ADGRL3: variants seen among roughly 807,000 people sequenced by gnomAD.
ADGRL3 encodes the protein adhesion G protein-coupled receptor L3, also known as calcium-independent alpha-latrotoxin receptor 3.
In ADGRL3, 62 loss-of-function variants were observed where a neutral mutation model predicts 153.5. The ratio of observed to expected loss-of-function variants is 0.40; its 90% CI spans 0.33 to 0.50. ADGRL3 has a LOEUF of 0.50. Among genes scored for constraint, ADGRL3 ranks in the 20% least tolerant of loss-of-function variants. The pLI is 0.47. For missense variants in ADGRL3, 1,641 were observed against 1,859.4 expected, an observed-to-expected ratio of 0.88 and a Z score of 2.16; for synonymous variants, 710 against 672.5, an observed-to-expected ratio of 1.06 and a Z score of -0.86.
chr4:61,517,518 G>A lies in ADGRL3; in HGVS notation c.259G>A (p.Ala87Thr). Reference protein sequence around the residue: ...GAQGAQIAAQAFSRAPIPMAV... With the variant: ...GAQGAQIAAQTFSRAPIPMAV... Reference sequence around the variant, plus strand: ...CCAAGGAGCACAGATTGCAGCGCAAGGTGCGGCCAGCGGTGGGGAGAGAGG... The same window carrying A: ...CCAAGGAGCACAGATTGCAGCGCAAAGTGCGGCCAGCGGTGGGGAGAGAGG... The change falls in exon 4 of 27, where the codon GCT becomes ACT. Residue 87 changes from alanine to threonine, a missense_variant and splice_region_variant. Ala to Thr is a moderately conservative substitution (Grantham distance 58, BLOSUM62 0). This residue lies in a region of ADGRL3 where 145 missense variants were observed against 79.1 expected (regional missense o/e 1.83). Coordinates refer to ENST00000683033, the MANE Select transcript of ADGRL3 (RefSeq NM_001387552.1). The A allele has an allele frequency of 1.4e-6, 1 of 706,034 alleles. No homozygotes were observed. Among genetic ancestry groups the A allele is most frequent in the African/African-American group, 1.7e-5 (1 of 57,360 alleles). The allele number at this position is 706,034 out of a possible 1,614,324, so 43.7% of individuals were successfully genotyped here.
chr4:61,719,993 G>A (rs1455592817), intron 6 of ADGRL3, among the ~76,000 whole-genome samples: 3 of 151,906 alleles, frequency 2.0e-5, no homozygotes, highest in South Asian at 2.1e-4. Flanking sequence ...ATGTGATACT[G>A]CCTTAAATGA....
At chr4:61,333,509 T>C (rs778315150) in intron 1 of ADGRL3, among the ~76,000 whole-genome samples, 22 of 152,226 alleles carry the variant, frequency 1.4e-4, no homozygotes, top group Non-Finnish European at 3.2e-4. Context: ...GTTCAACACT[T>C]ATTTAAATTT....
chr4:61,259,124 C>T (rs1334725785), intron 1 of ADGRL3, among the ~76,000 whole-genome samples: 1 of 152,078 alleles, frequency 6.6e-6, no homozygotes, highest in Non-Finnish European at 1.5e-5. Context: ...CCATATCTAA[C>T]ATTTAAGAAA....
intron 1 of ADGRL3, among the ~76,000 whole-genome samples, chr4:61,351,464 A>G (rs900813165): frequency 1.3e-5 from 2 of 152,218 alleles, no homozygotes; most frequent in Non-Finnish European, 2.9e-5. Flanking sequence ...ACAACCTGCT[A>G]TTGGAAGAAG....
At chr4:61,865,273 A>AT (rs398107393) in intron 9 of ADGRL3, among the ~76,000 whole-genome samples, 1 of 151,924 alleles carries the variant, frequency 6.6e-6, no homozygotes, top group African/African-American at 2.4e-5. Context: ...CTTTAAAAAA[A>AT]TTCTCTAAAT....
At chr4:61,757,720 A>C (rs111976496) in intron 8 of ADGRL3, among the ~76,000 whole-genome samples, 4,996 of 152,096 alleles carry the variant, frequency 0.033, 118 homozygotes, top group Non-Finnish European at 0.052. Context: ...GTTAGGGTGT[A>C]AATTTTAGAT....
intron 22 of ADGRL3, among the ~76,000 whole-genome samples, chr4:62,029,921 G>A (rs1447838125): frequency 2.6e-5 from 4 of 151,362 alleles, no homozygotes; most frequent in Non-Finnish European, 4.4e-5. Context: ...TTCCTTGAAA[G>A]TTAGTATACT....
intron 5 of ADGRL3, among the ~76,000 whole-genome samples, chr4:61,597,051 G>A (rs573948083): frequency 3.8e-4 from 57 of 151,016 alleles, no homozygotes; most frequent in African/African-American, 1.3e-3. Context: ...CATGCATAAG[G>A]GCTAATTTCA....
intron 23 of ADGRL3, among the ~76,000 whole-genome samples, chr4:62,035,188 T>C (rs1343263957): frequency 6.6e-6 from 1 of 152,006 alleles, no homozygotes; most frequent in East Asian, 1.9e-4. Flanking sequence ...AATGATTCAG[T>C]AAGTAATGTA....
intron 6 of ADGRL3, among the ~76,000 whole-genome samples, chr4:61,702,970 T>G (rs6843311): frequency 0.38 from 58,317 of 151,964 alleles, 12,343 homozygotes; most frequent in Non-Finnish European, 0.49. Context: ...AGCCATCTCT[T>G]CATTCACTCT....
intron 1 of ADGRL3, among the ~76,000 whole-genome samples, chr4:61,219,030 A>G (rs1744183390): frequency 6.6e-6 from 1 of 152,192 alleles, no homozygotes; most frequent in Non-Finnish European, 1.5e-5. Context: ...TGGAGAGACC[A>G]GTTACATGAG....
intron 9 of ADGRL3, among the ~76,000 whole-genome samples, chr4:61,843,038 A>G (rs541274224): frequency 5.6e-4 from 86 of 152,236 alleles, no homozygotes; most frequent in African/African-American, 2.0e-3. Context: ...ACTGGTATTG[A>G]GAGATTCAAC....
chr4:61,569,706 T>G (rs1158594508), intron 4 of ADGRL3, among the ~76,000 whole-genome samples: 1 of 152,206 alleles, frequency 6.6e-6, no homozygotes, highest in African/African-American at 2.4e-5. Context: ...CTTCTTTTAT[T>G]TGGCATATTG....
At chr4:61,246,702 CT>C (rs1757234572) in intron 1 of ADGRL3, among the ~76,000 whole-genome samples, 1 of 151,488 alleles carries the variant, frequency 6.6e-6, no homozygotes, top group East Asian at 1.9e-4. Context: ...GATAATAACC[CT>C]TTTCCTATAT....
intron 1 of ADGRL3, among the ~76,000 whole-genome samples, chr4:61,298,303 TAG>T (rs2094476699): frequency 6.6e-6 from 1 of 152,152 alleles, no homozygotes; most frequent in South Asian, 2.1e-4. Flanking sequence ...GGAATAGAAT[TAG>T]ATTAATTTCA....
intron 2 of ADGRL3, among the ~76,000 whole-genome samples, chr4:61,384,528 C>T (rs1214317646): frequency 6.6e-6 from 1 of 151,318 alleles, no homozygotes; most frequent in Non-Finnish European, 1.5e-5. Flanking sequence ...ACTTTTTTGG[C>T]AAGTTAAATT....
intron 9 of ADGRL3, among the ~76,000 whole-genome samples, chr4:61,861,970 G>A (rs1043569035): frequency 1.4e-4 from 21 of 152,112 alleles, no homozygotes; most frequent in African/African-American, 5.1e-4. Context: ...CTTCTAAACA[G>A]CAAATGTTCC....
intron 21 of ADGRL3, among the ~76,000 whole-genome samples, chr4:61,999,526 G>A (rs139411426): frequency 2.0e-5 from 3 of 152,170 alleles, no homozygotes; most frequent in African/African-American, 2.4e-5. Context: ...GCCTATGCTG[G>A]TGTTATATTT....
intron 3 of ADGRL3, among the ~76,000 whole-genome samples, chr4:61,506,544 A>G (rs945035366): frequency 6.6e-6 from 1 of 152,104 alleles, no homozygotes; most frequent in African/African-American, 2.4e-5. Flanking sequence ...ATCAGCATTC[A>G]AAGAAAAATG....
Sources: gnomAD v4.1 joint callset for allele counts (sites outside exome capture counted in the v4.1 genomes callset) on GRCh38, gnomAD v4.1.1 for gene constraint, gnomAD v4.1.1 regional missense constraint, MANE v1.5 for transcripts, NCBI Gene and HGNC (gene_info 2026-07-23, HGNC 2026-07-21) for gene names.